THADA: variants seen among roughly 807,000 people sequenced by gnomAD.
The protein encoded by THADA is tRNA (32-2'-O)-methyltransferase regulator THADA.
Under a neutral mutation model 219.8 loss-of-function variants are expected in THADA, and 213 were observed. The ratio of observed to expected loss-of-function variants is 0.97; its 90% confidence interval spans 0.87 to 1.09. The LOEUF is 1.09. Among genes scored for constraint, THADA ranks in the 50% least tolerant of loss-of-function variants. THADA has a pLI of 0.00. For missense variants in THADA, 2,956 were observed against 2,311.3 expected, an observed-to-expected ratio of 1.28 and a Z score of -5.72; for synonymous variants, 1,018 against 828.9, an observed-to-expected ratio of 1.23 and a Z score of -3.92.
At chr2:43,398,344 A>T (rs1004268136) in intron 28 of THADA, among the ~76,000 whole-genome samples, 3 of 152,214 alleles carry the variant, frequency 2.0e-5, no homozygotes, top group South Asian at 2.1e-4. Flanking sequence ...TAGCATCTAT[A>T]ATTCTTTATC....
At chr2:43,513,923 G>A (rs1690825145) in intron 22 of THADA, among the ~76,000 whole-genome samples, 1 of 152,038 alleles carries the variant, frequency 6.6e-6, no homozygotes, top group African/African-American at 2.4e-5. Flanking sequence ...AACTGGGCAT[G>A]GTGGCTCACA....
intron 22 of THADA, among the ~76,000 whole-genome samples, chr2:43,510,006 C>G (rs575720523): frequency 1.3e-5 from 2 of 152,068 alleles, no homozygotes; most frequent in Admixed American, 1.3e-4. Context: ...ACATAACAAC[C>G]AAATGTAGTG....
chr2:43,456,421 G>A (rs1029965527), intron 26 of THADA, among the ~76,000 whole-genome samples: 1 of 152,166 alleles, frequency 6.6e-6, no homozygotes, highest in Admixed American at 6.5e-5. Context: ...TCTGTGGTGG[G>A]GTGGGAATGA....
At chr2:43,557,480 C>A (rs185935673) in intron 16 of THADA, among the ~76,000 whole-genome samples, 1 of 152,292 alleles carries the variant, frequency 6.6e-6, no homozygotes, top group East Asian at 1.9e-4. Flanking sequence ...GGAGGCTGTA[C>A]CTGGTGAAAC....
intron 35 of THADA, among the ~76,000 whole-genome samples, chr2:43,284,991 C>T (rs1835323): frequency 0.24 from 37,221 of 152,148 alleles, 5,824 homozygotes; most frequent in Middle Eastern, 0.36. Flanking sequence ...CAATCTCTCC[C>T]ATTTGGAATG....
chr2:43,555,460 C>G (rs754333032), intron 17 of THADA, among the ~76,000 whole-genome samples: 2 of 151,824 alleles, frequency 1.3e-5, no homozygotes, highest in Non-Finnish European at 2.9e-5. Context: ...TTTGAAATAT[C>G]TCATAAAGTC....
chr2:43,590,436 G>A (rs1351049239), intron 4 of THADA, among the ~76,000 whole-genome samples: 2 of 152,032 alleles, frequency 1.3e-5, no homozygotes, highest in Non-Finnish European at 2.9e-5. Context: ...CCATCACTTT[G>A]GGAGGCTGAG....
At chr2:43,393,568 C>T (rs1316214359) in intron 29 of THADA, among the ~76,000 whole-genome samples, 5 of 151,924 alleles carry the variant, frequency 3.3e-5, no homozygotes, top group Admixed American at 6.6e-5. Flanking sequence ...ATTGGCCAGC[C>T]GTGGTGGCAG....
chr2:43,358,588 A>AT (rs1256286992), intron 29 of THADA, among the ~76,000 whole-genome samples: 2 of 152,196 alleles, frequency 1.3e-5, no homozygotes, highest in Non-Finnish European at 2.9e-5. Context: ...CATTTTCCAG[A>AT]TTTTAGAGAG....
At position 43,571,755 on chromosome 2, in the gene THADA, G is replaced by A. The variant is rs1489459966; in HGVS notation, c.2016C>T (p.Asn672=). The A allele has an allele frequency of 6.2e-7, 1 of 1,613,764 alleles. No individual in the cohort carries two copies. The highest frequency in any genetic ancestry group is 8.5e-7 in the Non-Finnish European group (1 of 1,179,828). The change falls in exon 13 of 38, where the codon AAC becomes AAT. Residue 672 remains asparagine (N), a synonymous_variant. Coordinates refer to ENST00000405975, the MANE Select transcript of THADA (RefSeq NM_022065.5). The part of the protein sequence containing the change: ...WIQFFITYNL[N]SQSPGVRQQI... The stretch of plus-strand genomic sequence containing the variant: ...GTTGCCGCACTCCTGGAGACTGGCT[G>A]TTAAGATTGTATGTAATAAAGAACT...
chr2:43,583,649 T>C (rs941567307), intron 7 of THADA, among the ~76,000 whole-genome samples: 7 of 152,004 alleles, frequency 4.6e-5, no homozygotes, highest in African/African-American at 1.4e-4. Flanking sequence ...AGCCTAAAGG[T>C]AGAAACAGAT....
intron 31 of THADA, among the ~76,000 whole-genome samples, chr2:43,319,064 A>G (rs529521390): frequency 2.5e-4 from 38 of 152,358 alleles, no homozygotes; most frequent in Admixed American, 2.1e-3. Context: ...TTAGATACAT[A>G]GGCAGGGAAG....
chr2:43,548,079 TAACA>T (rs1014390773), intron 20 of THADA, among the ~76,000 whole-genome samples: 1 of 152,174 alleles, frequency 6.6e-6, no homozygotes, highest in African/African-American at 2.4e-5. Flanking sequence ...GTTTTCCTTC[TAACA>T]GACAGGACCC....
intron 21 of THADA, 76 bp downstream of exon 21, chr2:43,541,083 G>T: frequency 1.5e-6 from 2 of 1,364,734 alleles, no homozygotes; most frequent in South Asian, 1.8e-5. Context: ...CCTTTTTTTA[G>T]AGTTGGGTTA....
chr2:43,294,297 C>G (rs1290355654), intron 31 of THADA, among the ~76,000 whole-genome samples: 4 of 152,152 alleles, frequency 2.6e-5, no homozygotes, highest in Non-Finnish European at 5.9e-5. Flanking sequence ...TATAGTCAGT[C>G]TAGTTTGAGA....
chr2:43,575,070 G>C, intron 10 of THADA, 43 bp from the exon 11 acceptor site: 3 of 1,359,700 alleles, frequency 2.2e-6, no homozygotes, highest in Non-Finnish European at 3.0e-6. Context: ...AAACTGATTA[G>C]TAAAAGAAAT....
chr2:43,531,286 T>G (rs1207633737), intron 21 of THADA, among the ~76,000 whole-genome samples: 1 of 152,108 alleles, frequency 6.6e-6, no homozygotes, highest in Non-Finnish European at 1.5e-5. Context: ...TGAAAGAGGG[T>G]AATTAACATG....
At chr2:43,418,335 C>T (rs910460483) in intron 28 of THADA, among the ~76,000 whole-genome samples, 3 of 152,156 alleles carry the variant, frequency 2.0e-5, no homozygotes, top group African/African-American at 4.8e-5. Context: ...CTTACTGGAG[C>T]GCTTTCAGAA....
chr2:43,256,314 A>T (rs1055690163), intron 36 of THADA, among the ~76,000 whole-genome samples: 2 of 150,430 alleles, frequency 1.3e-5, no homozygotes, highest in African/African-American at 4.9e-5. Flanking sequence ...GTTTGAGACC[A>T]GCCTGAGCAG....
Sources: gnomAD v4.1 joint callset for allele counts (sites outside exome capture counted in the v4.1 genomes callset) on GRCh38, gnomAD v4.1.1 for gene constraint, MANE v1.5 for transcripts, NCBI Gene and HGNC (gene_info 2026-07-23, HGNC 2026-07-21) for gene names.